CHN1: variants seen among roughly 807,000 people sequenced by gnomAD.
The protein encoded by CHN1 is chimerin 1.
Under a neutral mutation model 59.5 loss-of-function variants are expected in CHN1, and 37 were observed. The ratio of observed to expected loss-of-function variants is 0.62; its 90% confidence interval spans 0.48 to 0.82. The LOEUF is 0.82. Among genes scored for constraint, CHN1 ranks in the 40% least tolerant of loss-of-function variants. The pLI is 0.00. For missense variants in CHN1, 469 were observed against 571.0 expected, an observed-to-expected ratio of 0.82 and a Z score of 1.82; for synonymous variants, 206 against 200.4, an observed-to-expected ratio of 1.03 and a Z score of -0.24.
At chr2:174,873,238 T>G (rs2105467804) in intron 6 of CHN1, among the ~76,000 whole-genome samples, 1 of 152,206 alleles carries the variant, frequency 6.6e-6, no homozygotes, top group Non-Finnish European at 1.5e-5. Flanking sequence ...CATTGGAGAC[T>G]TAGGCATGTA....
intron 11 of CHN1, among the ~76,000 whole-genome samples, chr2:174,805,384 T>C (rs1684853241): frequency 6.6e-6 from 1 of 152,250 alleles, no homozygotes; most frequent in Non-Finnish European, 1.5e-5. Context: ...AATTATAAGT[T>C]GACTTATTCA....
chr2:174,984,194 A>T (rs2105453396), intron 1 of CHN1, among the ~76,000 whole-genome samples: 1 of 152,220 alleles, frequency 6.6e-6, no homozygotes, highest in Admixed American at 6.5e-5. Flanking sequence ...TCTTTCAAAG[A>T]TGTCAGTGGA....
intron 6 of CHN1, chr2:174,847,716 C>T: frequency 9.0e-7 from 1 of 1,107,488 alleles, no homozygotes; most frequent in Non-Finnish European, 1.2e-6. Flanking sequence ...TTCCTAAACT[C>T]ACTCTGTCTC....
chr2:174,881,836 A>C (rs1422741165), intron 5 of CHN1, among the ~76,000 whole-genome samples: 2 of 152,184 alleles, frequency 1.3e-5, no homozygotes, highest in African/African-American at 4.8e-5. Context: ...ACAGAGTGCA[A>C]ATCGGGTAGG....
chr2:174,801,605 A>G, intron 12 of CHN1, 102 bp downstream of exon 12: 5 of 783,076 alleles, frequency 6.4e-6, no homozygotes, highest in African/African-American at 1.7e-5. Flanking sequence ...GCATTTATTT[A>G]TTCATTCAAT....
intron 7 of CHN1, among the ~76,000 whole-genome samples, chr2:174,843,368 G>C (rs188041804): frequency 6.6e-6 from 1 of 152,060 alleles, no homozygotes; most frequent in Non-Finnish European, 1.5e-5. Context: ...GCCTCCAGAG[G>C]AGCTGGGACT....
chr2:174,942,326 C>T (rs1039924984), intron 3 of CHN1, among the ~76,000 whole-genome samples: 13 of 152,022 alleles, frequency 8.6e-5, no homozygotes, highest in African/African-American at 3.1e-4. Flanking sequence ...TACCATTCAG[C>T]CATTAAAAAG....
At chr2:174,932,952 A>G (rs1265017796) in intron 3 of CHN1, among the ~76,000 whole-genome samples, 1 of 152,218 alleles carries the variant, frequency 6.6e-6, no homozygotes, top group South Asian at 2.1e-4. Context: ...AGACTAATAC[A>G]GTTAGGATTC....
At chr2:174,809,466 T>C (rs1685005849) in intron 10 of CHN1, among the ~76,000 whole-genome samples, 1 of 152,212 alleles carries the variant, frequency 6.6e-6, no homozygotes, top group African/African-American at 2.4e-5. Flanking sequence ...GCCTGGCATA[T>C]AGTAGCTGCT....
At position 174,854,656 on chromosome 2, in the gene CHN1, T is replaced by C. The variant is rs10189291; in HGVS notation, c.550-7699A>G. ...TTTGTTTCTTTATATGTAAAATGAA[T>C]TGAAAATACTTATGGTATAGAATTA... On this transcript the variant is annotated intron_variant, in intron 6 of 12. Transcript: ENST00000409900. Among the ~76,000 whole-genome samples, 348 of 152,268 alleles carry C rather than the reference T, an allele frequency of 2.3e-3. 4 individuals are homozygous for C. The highest frequency in any genetic ancestry group is 7.5e-3 in the African/African-American group (310 of 41,560).
chr2:174,817,062 T>G (rs1186770829), intron 8 of CHN1, among the ~76,000 whole-genome samples: 3 of 152,214 alleles, frequency 2.0e-5, no homozygotes, highest in Non-Finnish European at 4.4e-5. Context: ...CAGCCTGTCC[T>G]CTTCCCACTG....
chr2:174,810,919 G>T (rs1460005326), intron 10 of CHN1: 2 of 152,222 alleles, frequency 1.3e-5, no homozygotes, highest in African/African-American at 4.8e-5. Flanking sequence ...AGACAAATTG[G>T]AGAGCCATGG....
chr2:174,839,519 TCA>T (rs1356524269), intron 7 of CHN1, among the ~76,000 whole-genome samples: 10 of 152,138 alleles, frequency 6.6e-5, no homozygotes, highest in Non-Finnish European at 1.5e-5. Context: ...ATATAAAGTT[TCA>T]GTTATAATAG....
At chr2:174,936,854 T>G (rs1469335603) in intron 3 of CHN1, among the ~76,000 whole-genome samples, 1 of 152,174 alleles carries the variant, frequency 6.6e-6, no homozygotes, top group Non-Finnish European at 1.5e-5. Flanking sequence ...CTTTTAAGTA[T>G]GTGCTTGGTT....
chr2:174,821,728 C>T (rs1685504233), intron 8 of CHN1: 2 of 463,536 alleles, frequency 4.3e-6, no homozygotes, highest in South Asian at 1.6e-5. Flanking sequence ...TGGACCCTTA[C>T]CAGACACTGA....
chr2:174,834,727 T>C (rs1429317097), intron 7 of CHN1, among the ~76,000 whole-genome samples: 1 of 152,220 alleles, frequency 6.6e-6, no homozygotes, highest in Non-Finnish European at 1.5e-5. Context: ...ATTTGTTTCC[T>C]CAAAGTTGAC....
chr2:174,823,682 T>G (rs957658516), intron 8 of CHN1, among the ~76,000 whole-genome samples: 1 of 152,034 alleles, frequency 6.6e-6, no homozygotes, highest in Middle Eastern at 3.4e-3. Context: ...AAAAAAGAAT[T>G]TAAAGTAGTT....
intron 1 of CHN1, among the ~76,000 whole-genome samples, chr2:174,961,607 A>T (rs1414879652): frequency 6.6e-6 from 1 of 151,742 alleles, no homozygotes; most frequent in East Asian, 1.9e-4. Flanking sequence ...TAAATAAATA[A>T]ATAAAAATAA....
chr2:174,838,629 G>C (rs907915391), intron 7 of CHN1, among the ~76,000 whole-genome samples: 1 of 152,154 alleles, frequency 6.6e-6, no homozygotes, highest in African/African-American at 2.4e-5. Flanking sequence ...GAGATTACGA[G>C]AAGGGGCTTT....
Sources: gnomAD v4.1 joint callset for allele counts (sites outside exome capture counted in the v4.1 genomes callset) on GRCh38, gnomAD v4.1.1 for gene constraint, MANE v1.5 for transcripts, NCBI Gene and HGNC (gene_info 2026-07-23, HGNC 2026-07-21) for gene names.